CNTNAP4: variants seen among roughly 807,000 people sequenced by gnomAD.
The protein encoded by CNTNAP4 is contactin-associated protein-like 4.
A neutral mutation model predicts 148.4 loss-of-function variants in CNTNAP4; 98 were observed. The ratio of observed to expected loss-of-function variants is 0.66; its 90% confidence interval spans 0.56 to 0.78. The LOEUF is 0.78. Among genes scored for constraint, CNTNAP4 ranks in the 30% least tolerant of loss-of-function variants. The probability of loss-of-function intolerance (pLI) is 0.00; values close to 1 mark genes in which losing one functional copy is unlikely to be tolerated. For missense variants in CNTNAP4, 1,935 were observed against 1,565.6 expected, an observed-to-expected ratio of 1.24 and a Z score of -3.98; for synonymous variants, 730 against 565.1, an observed-to-expected ratio of 1.29 and a Z score of -4.14.
intron 8 of CNTNAP4, among the ~76,000 whole-genome samples, chr16:76,457,157 G>T (rs561514662): frequency 6.6e-6 from 1 of 152,156 alleles, no homozygotes; most frequent in Admixed American, 6.5e-5. Flanking sequence ...TCTCCTTCCT[G>T]TTTCACAGTG....
rs1647208386 is a variant in CNTNAP4, at chr16:76,444,415, GC to G, written c.539-3596del. ...TGAGAAGATGTGAAGTTATTTCTTT[GC>G]TTTATTTATTTCCACTTTTTTTTCT... On this transcript the variant is annotated intron_variant, in intron 4 of 23. Coordinates refer to ENST00000611870, the MANE Select transcript of CNTNAP4 (RefSeq NM_033401.5). Among the ~76,000 whole-genome samples, 4 of 93,754 alleles carry G rather than the reference GC, an allele frequency of 4.3e-5. No homozygotes were observed. In the Admixed American group the frequency reaches 4.4e-4, roughly 10 times the overall value. The allele number at this position is 93,754 out of a possible 152,430, so 61.5% of individuals were successfully genotyped here. A position where few individuals can be genotyped will look rare whatever the true frequency, so the allele number is the denominator to read the frequency against.
At chr16:76,472,500 G>C (rs2081411586) in intron 10 of CNTNAP4, among the ~76,000 whole-genome samples, 1 of 151,956 alleles carries the variant, frequency 6.6e-6, no homozygotes, top group African/African-American at 2.4e-5. Context: ...GTTTGCTATA[G>C]AATAGCCTTT....
intron 21 of CNTNAP4, among the ~76,000 whole-genome samples, chr16:76,551,536 T>C (rs930441765): frequency 1.3e-5 from 2 of 152,124 alleles, no homozygotes; most frequent in African/African-American, 4.8e-5. Context: ...GGAAAGAGTA[T>C]CTCAACCAGA....
intron 3 of CNTNAP4, among the ~76,000 whole-genome samples, chr16:76,411,735 G>A (rs936842380): frequency 6.6e-6 from 1 of 151,258 alleles, no homozygotes; most frequent in African/African-American, 2.4e-5. Flanking sequence ...GATTGTCTTT[G>A]CTGAACTATT....
chr16:76,467,840 C>A (rs553534270), intron 10 of CNTNAP4, among the ~76,000 whole-genome samples: 1 of 152,184 alleles, frequency 6.6e-6, no homozygotes, highest in South Asian at 2.1e-4. Context: ...TCATTAAACT[C>A]AATATATTAA....
chr16:76,478,123 G>A (rs989240917), intron 11 of CNTNAP4, among the ~76,000 whole-genome samples: 1 of 139,288 alleles, frequency 7.2e-6, no homozygotes, highest in African/African-American at 2.7e-5. Context: ...AAAAAGTCAA[G>A]CCATACACAT....
At chr16:76,554,091 G>T (rs1314612266) in intron 23 of CNTNAP4, among the ~76,000 whole-genome samples, 184 bp downstream of exon 23, 1 of 152,182 alleles carries the variant, frequency 6.6e-6, no homozygotes, top group African/African-American at 2.4e-5. Flanking sequence ...TGAATTCTCT[G>T]CTTCCTTGGA....
intron 2 of CNTNAP4, among the ~76,000 whole-genome samples, chr16:76,331,468 G>C (rs1420783961): frequency 6.7e-6 from 1 of 150,166 alleles, no homozygotes; most frequent in Non-Finnish European, 1.5e-5. Context: ...GATTACAGGC[G>C]TGAGCTACCA....
chr16:76,424,598 G>C (rs116038724), intron 3 of CNTNAP4, among the ~76,000 whole-genome samples: 4,205 of 151,718 alleles, frequency 0.028, 134 homozygotes, highest in African/African-American at 0.086. Flanking sequence ...TAGTAAAAAT[G>C]CAGAAAAAAA....
At chr16:76,337,245 A>C (rs745319165) in intron 2 of CNTNAP4, among the ~76,000 whole-genome samples, 11 of 152,246 alleles carry the variant, frequency 7.2e-5, no homozygotes, top group Non-Finnish European at 1.3e-4. Flanking sequence ...CCTTGAATGA[A>C]AGACTTTCCA....
intron 21 of CNTNAP4, among the ~76,000 whole-genome samples, chr16:76,543,994 T>C (rs143547369): frequency 1.3e-5 from 2 of 152,272 alleles, no homozygotes; most frequent in East Asian, 3.9e-4. Context: ...CTCAACAAGG[T>C]AGACGTTACA....
chr16:76,412,806 T>C (rs1338014360), intron 3 of CNTNAP4, among the ~76,000 whole-genome samples: 1 of 151,472 alleles, frequency 6.6e-6, no homozygotes, highest in Non-Finnish European at 1.5e-5. Context: ...TCTTAATGTA[T>C]TCTGACATCA....
intron 2 of CNTNAP4, among the ~76,000 whole-genome samples, chr16:76,329,890 G>A (rs1437435842): frequency 6.6e-6 from 1 of 152,164 alleles, no homozygotes; most frequent in Non-Finnish European, 1.5e-5. Context: ...GTGCCAGAAA[G>A]AGAACGTTTA....
intron 4 of CNTNAP4, among the ~76,000 whole-genome samples, chr16:76,436,547 A>G (rs776058592): frequency 3.9e-5 from 6 of 152,236 alleles, no homozygotes; most frequent in South Asian, 2.1e-4. Context: ...GAGACCCACT[A>G]TCTGCTTCTG....
intron 15 of CNTNAP4, among the ~76,000 whole-genome samples, chr16:76,514,461 T>C (rs370905467): frequency 3.3e-5 from 5 of 152,224 alleles, no homozygotes; most frequent in Non-Finnish European, 7.3e-5. Flanking sequence ...AAAAGAAATA[T>C]CTTCTTCAGT....
At chr16:76,313,002 T>C (rs1030817992) in intron 1 of CNTNAP4, among the ~76,000 whole-genome samples, 2 of 152,112 alleles carry the variant, frequency 1.3e-5, no homozygotes, top group African/African-American at 4.8e-5. Flanking sequence ...TGGTAAAGAA[T>C]AATAATGCCA....
intron 3 of CNTNAP4, among the ~76,000 whole-genome samples, chr16:76,358,334 T>G (rs1254437682): frequency 6.6e-6 from 1 of 152,026 alleles, no homozygotes; most frequent in Admixed American, 6.5e-5. Context: ...AGACTCCATT[T>G]CAAAAACAAA....
At chr16:76,549,024 C>A (rs919359103) in intron 21 of CNTNAP4, among the ~76,000 whole-genome samples, 5 of 152,054 alleles carry the variant, frequency 3.3e-5, no homozygotes, top group African/African-American at 1.2e-4. Context: ...TCGAATTCTA[C>A]CCCACCGACG....
At chr16:76,318,193 AAC>A (rs1962011487) in intron 2 of CNTNAP4, among the ~76,000 whole-genome samples, 1 of 152,220 alleles carries the variant, frequency 6.6e-6, no homozygotes, top group African/African-American at 2.4e-5. Flanking sequence ...TATAGAGAAA[AAC>A]AGAGTTTGAC....
Sources: allele counts gnomAD v4.1 joint callset (sites outside exome capture counted in the v4.1 genomes callset), GRCh38; gene constraint gnomAD v4.1.1; transcripts MANE v1.5; gene names NCBI Gene and HGNC (gene_info 2026-07-23, HGNC 2026-07-21).